The following TNS1 variants were observed in gnomAD, a reference collection of about 807,000 sequenced individuals.
The protein encoded by TNS1 is tensin 1.
In TNS1, 62 loss-of-function variants were observed where a neutral mutation model predicts 168.6. The ratio of observed to expected loss-of-function variants is 0.37; its 90% CI spans 0.30 to 0.45. The LOEUF is 0.45. Among genes scored for constraint, TNS1 ranks in the 20% least tolerant of loss-of-function variants. The pLI, the probability that TNS1 is intolerant of heterozygous loss-of-function variation, is 1.00. For synonymous variants in TNS1, 934 were observed against 933.2 expected, an observed-to-expected ratio of 1.00 and a Z score of -0.02; for missense variants, 2,240 against 2,339.4, an observed-to-expected ratio of 0.96 and a Z score of 0.88.
At position 217,848,916 on chromosome 2, in the gene TNS1, G is replaced by T. The variant is rs750536300; in HGVS notation, c.1601C>A (p.Ser534Tyr). The T allele has an allele frequency of 1.2e-6, 2 of 1,614,166 alleles. No individual in the cohort carries two copies. The highest frequency in any genetic ancestry group is 1.7e-6 in the Non-Finnish European group (2 of 1,180,020). Residue 534 changes from serine (S) to tyrosine (Y), a missense_variant, in exon 19 of 33, where the codon TCC becomes TAC. By Grantham distance (144) the Ser-to-Tyr change is moderately radical. Around this residue, in one of 2 missense-constraint regions of TNS1, gnomAD observed 2,131 missense variants for 2,171.2 expected, o/e 0.98. Coordinates refer to ENST00000682258, the MANE Select transcript of TNS1 (RefSeq NM_001387777.1). ...CTTGTCGGTCTTGGTGGAGGCTGTG[G>T]AGTTGCCCGAGTCGCTGCTCACAGA... ...TLSVSSDSGNSTASTKTDKTD... is the reference protein window; with the variant it reads ...TLSVSSDSGNYTASTKTDKTD...
rs370905301 is a variant in TNS1, at chr2:217,848,924, C to T, written c.1593G>A (p.Ser531=). The T allele has an allele frequency of 1.4e-5, 23 of 1,614,022 alleles. No individual in the cohort carries two copies. Among genetic ancestry groups the T allele is most frequent in the East Asian group, 8.9e-5 (4 of 44,886 alleles). The part of the protein sequence containing the change: ...VEHTLSVSSD[S]GNSTASTKTD... ...TCTTGGTGGAGGCTGTGGAGTTGCC[C>T]GAGTCGCTGCTCACAGAAAGCGTGT... Residue 531 remains serine (S), a synonymous_variant, in exon 19 of 33, where the codon TCG becomes TCA. Coordinates refer to ENST00000682258, the MANE Select transcript of TNS1 (RefSeq NM_001387777.1).
intron 18 of TNS1, among the ~76,000 whole-genome samples, chr2:217,851,958 A>G (rs980920879): frequency 2.0e-5 from 3 of 152,314 alleles, no homozygotes; most frequent in African/African-American, 4.8e-5. Flanking sequence ...AGCCTGGCCA[A>G]AATGGTGAAA....
intron 18 of TNS1, among the ~76,000 whole-genome samples, chr2:217,878,283 T>C (rs1284402833): frequency 6.6e-6 from 1 of 152,038 alleles, no homozygotes; most frequent in African/African-American, 2.4e-5. Flanking sequence ...GGGTGAGAGG[T>C]AGCAGCCAGA....
At chr2:217,966,292 TGTGTGTGTGTGTGTGTGC>T (rs1288860427) in intron 3 of TNS1, among the ~76,000 whole-genome samples, 3 of 145,476 alleles carry the variant, frequency 2.1e-5, no homozygotes, top group African/African-American at 8.3e-5. Flanking sequence ...TGTGTGTGTG[TGTGTGTGTGTGTGTGTGC>T]GCGCGCGCGC....
At chr2:217,895,935 T>A (rs970535074) in intron 8 of TNS1, among the ~76,000 whole-genome samples, 1 of 152,226 alleles carries the variant, frequency 6.6e-6, no homozygotes, top group Non-Finnish European at 1.5e-5. Context: ...CCTGGACTCC[T>A]AAAATCAGAA....
At chr2:217,867,669 A>G (rs1220884343) in intron 18 of TNS1, among the ~76,000 whole-genome samples, 9 of 152,316 alleles carry the variant, frequency 5.9e-5, no homozygotes, top group Non-Finnish European at 1.2e-4. Flanking sequence ...CACAACCTCC[A>G]TTCAGTCACA....
intron 29 of TNS1, 124 bp from the exon 30 acceptor site, chr2:217,810,115 G>A: frequency 7.0e-7 from 1 of 1,430,320 alleles, no homozygotes; most frequent in Non-Finnish European, 9.7e-7. Flanking sequence ...CAAGGCATCT[G>A]CACATAGAAA....
intron 14 of TNS1, 88 bp from the exon 15 acceptor site, chr2:217,885,907 A>T: frequency 6.4e-7 from 1 of 1,557,022 alleles, no homozygotes; most frequent in Non-Finnish European, 8.9e-7. Flanking sequence ...CCTACGCCAC[A>T]GGGTTAGTGG....
chr2:218,021,937 A>G (rs556093395), intron 1 of TNS1, among the ~76,000 whole-genome samples: 1 of 152,254 alleles, frequency 6.6e-6, no homozygotes, highest in South Asian at 2.1e-4. Context: ...GAGGCTGAGG[A>G]GTACCTCCAG....
At chr2:217,861,609 T>A (rs928878979) in intron 18 of TNS1, among the ~76,000 whole-genome samples, 5 of 152,204 alleles carry the variant, frequency 3.3e-5, no homozygotes, top group Non-Finnish European at 7.3e-5. Context: ...CAGACATTGG[T>A]TTGAATACAG....
At chr2:217,914,396 A>G (rs1954768429) in intron 4 of TNS1, among the ~76,000 whole-genome samples, 1 of 152,146 alleles carries the variant, frequency 6.6e-6, no homozygotes, top group African/African-American at 2.4e-5. Context: ...AAATGACAGG[A>G]CCTCAGTGAG....
chr2:217,964,797 C>A (rs1351689846), intron 3 of TNS1, among the ~76,000 whole-genome samples: 1 of 152,184 alleles, frequency 6.6e-6, no homozygotes, highest in Non-Finnish European at 1.5e-5. Flanking sequence ...TGCGCCGGGC[C>A]GCGCCAGAGG....
At chr2:217,913,132 G>A (rs1954621169) in intron 4 of TNS1, among the ~76,000 whole-genome samples, 1 of 152,172 alleles carries the variant, frequency 6.6e-6, no homozygotes, top group African/African-American at 2.4e-5. Flanking sequence ...GGGGCTGGCA[G>A]AGGATGCTGG....
chr2:217,869,629 GC>G (rs1330972713), intron 18 of TNS1, among the ~76,000 whole-genome samples: 2 of 152,208 alleles, frequency 1.3e-5, no homozygotes, highest in African/African-American at 2.4e-5. Flanking sequence ...GCAGCCCTCA[GC>G]CAGCCAAGTC....
At chr2:217,943,110 T>C (rs1956998222) in intron 3 of TNS1, among the ~76,000 whole-genome samples, 1 of 152,062 alleles carries the variant, frequency 6.6e-6, no homozygotes, top group African/African-American at 2.4e-5. Context: ...GGAAGGCAGC[T>C]GCCCCTGTCT....
chr2:217,849,019 G>A lies in TNS1; in HGVS notation c.1498C>T (p.Leu500=), dbSNP rs749704866. ...TTAACAGCCCCGGTGCTGCCGTGCA[G>A]GGAGTCTTTCTTCTTCACCTTAGCA... ...LYAKVKKKDS[L]HGSTGAVNAT... Residue 500 remains leucine (L), a synonymous_variant, in exon 19 of 33, where the codon CTG becomes TTG. Transcript: ENST00000682258. The A allele has an allele frequency of 6.2e-6, 10 of 1,613,982 alleles. No homozygotes were observed. The Admixed American group carries it at 1.3e-4, about 22-fold the overall frequency.
chr2:217,895,749 A>G (rs1412760560), intron 8 of TNS1, among the ~76,000 whole-genome samples: 1 of 152,130 alleles, frequency 6.6e-6, no homozygotes, highest in Non-Finnish European at 1.5e-5. Flanking sequence ...GGAATTCTCC[A>G]GTCTCTGGAA....
chr2:217,926,175 C>G (rs1956014916), intron 3 of TNS1, among the ~76,000 whole-genome samples: 1 of 152,132 alleles, frequency 6.6e-6, no homozygotes, highest in Admixed American at 6.5e-5. Context: ...CAGGAGAAAC[C>G]AACACTGCTC....
intron 3 of TNS1, among the ~76,000 whole-genome samples, chr2:217,965,868 C>T (rs1353625416): frequency 1.3e-5 from 2 of 152,206 alleles, no homozygotes; most frequent in African/African-American, 4.8e-5. Context: ...CTGAACTGGA[C>T]CTTCTGCCCT....
Sources: gnomAD v4.1 joint callset for allele counts (sites outside exome capture counted in the v4.1 genomes callset) on GRCh38, gnomAD v4.1.1 for gene constraint, gnomAD v4.1.1 regional missense constraint, MANE v1.5 for transcripts, NCBI Gene and HGNC (gene_info 2026-07-23, HGNC 2026-07-21) for gene names.